Variants in BCKDHA observed in about 807,000 individuals in gnomAD.
BCKDHA encodes 2-oxoisovalerate dehydrogenase subunit alpha, mitochondrial.
BCKDHA carries 43 observed loss-of-function variants against 52.2 expected under a neutral mutation model. That is an observed-to-expected ratio of 0.82 (90% CI 0.64 to 1.06). The LOEUF is 1.06. BCKDHA is among the 50% of genes least tolerant of loss of function. The pLI, the probability that BCKDHA is intolerant of heterozygous loss-of-function variation, is 0.00. For synonymous variants in BCKDHA, 234 were observed against 247.9 expected, an observed-to-expected ratio of 0.94 and a Z score of 0.53; for missense variants, 527 against 621.3, an observed-to-expected ratio of 0.85 and a Z score of 1.61.
At position 41,419,294 on chromosome 19, in the gene BCKDHA, A is replaced by G. The variant is rs1246002235; in HGVS notation, c.644A>G (p.Gln215Arg). 1 of 1,612,528 alleles carries G rather than the reference A, an allele frequency of 6.2e-7. No homozygotes were observed. Among genetic ancestry groups the G allele is most frequent in the Non-Finnish European group, 8.5e-7 (1 of 1,179,294 alleles). The change falls in exon 5 of 9, where the codon CAG becomes CGG. Residue 215 changes from glutamine (Q) to arginine (R), a missense_variant and splice_region_variant. Coordinates refer to ENST00000269980, the MANE Select transcript of BCKDHA (RefSeq NM_000709.4). Reference protein sequence around the residue: ...ISSPLATQIPQAVGAAYAAKR... With the variant: ...ISSPLATQIPRAVGAAYAAKR... ...TCTCCACTGGCCACGCAGATCCCTCAGGGTGAGGATGCATGCCCTGTACCT... is the reference window on the plus strand; with the variant it reads ...TCTCCACTGGCCACGCAGATCCCTCGGGGTGAGGATGCATGCCCTGTACCT...
At chr19:41,418,294 G>A (rs1261831366) in intron 4 of BCKDHA, among the ~76,000 whole-genome samples, 1 of 152,102 alleles carries the variant, frequency 6.6e-6, no homozygotes, top group African/African-American at 2.4e-5. Context: ...TGTGAAGGTT[G>A]TCCCACTCTT....
intron 3 of BCKDHA, among the ~76,000 whole-genome samples, chr19:41,413,384 G>A (rs557825779): frequency 6.6e-6 from 1 of 152,248 alleles, no homozygotes; most frequent in South Asian, 2.1e-4. Flanking sequence ...GCACTGGTGT[G>A]GCCAGCTGAC....
At chr19:41,415,946 C>CAT (rs2039304018) in intron 4 of BCKDHA, among the ~76,000 whole-genome samples, 1 of 137,206 alleles carries the variant, frequency 7.3e-6, no homozygotes, top group African/African-American at 2.8e-5. Context: ...CATGCCTGGC[C>CAT]TTTTTTTTTT....
intron 1 of BCKDHA, chr19:41,399,543 T>C (rs920232556): frequency 6.6e-6 from 1 of 151,628 alleles, no homozygotes; most frequent in African/African-American, 2.4e-5. Flanking sequence ...TGGTGGGGAG[T>C]GGGGAGGGAA....
chr19:41,401,163 T>C (rs987090977), intron 1 of BCKDHA, among the ~76,000 whole-genome samples: 8 of 151,814 alleles, frequency 5.3e-5, no homozygotes, highest in Non-Finnish European at 1.2e-4. Flanking sequence ...CACAACCTCC[T>C]CTTCCTGGGT....
chr19:41,410,179 G>A lies in BCKDHA; in HGVS notation c.109-458G>A, dbSNP rs115930134. ...ATAGGGATCAGAAGAGAGCTGGTCT[G>A]TATGCCTAGAGGGCATCCTGCAGTG... On this transcript the variant is annotated intron_variant, in intron 1 of 8. Transcript: ENST00000269980. Among the ~76,000 whole-genome samples, 780 of 152,296 alleles carry A rather than the reference G, an allele frequency of 5.1e-3. 11 individuals carry two copies. The highest frequency in any genetic ancestry group is 0.018 in the African/African-American group (735 of 41,544).
At chr19:41,410,275 C>G (rs2039237172) in intron 1 of BCKDHA, among the ~76,000 whole-genome samples, 1 of 152,010 alleles carries the variant, frequency 6.6e-6, no homozygotes, top group Non-Finnish European at 1.5e-5. Context: ...GGGGAGGCCT[C>G]GAATGCCAGG....
At chr19:41,399,286 G>A (rs1475205907) in intron 1 of BCKDHA, 3 of 152,058 alleles carry the variant, frequency 2.0e-5, no homozygotes, top group Non-Finnish European at 4.4e-5. Context: ...CAGGAGCAAG[G>A]TGTGGGTAGG....
At chr19:41,417,205 G>C (rs918838580) in intron 4 of BCKDHA, among the ~76,000 whole-genome samples, 2 of 151,806 alleles carry the variant, frequency 1.3e-5, no homozygotes, top group African/African-American at 4.8e-5. Context: ...TGGTAGAGAC[G>C]GGGTTTCGCT....
At chr19:41,413,793 C>T (rs899373455) in intron 3 of BCKDHA, among the ~76,000 whole-genome samples, 3 of 152,194 alleles carry the variant, frequency 2.0e-5, no homozygotes, top group African/African-American at 7.2e-5. Context: ...CGCACTGGTC[C>T]TCACCGATGC....
chr19:41,412,339 A>G (rs905004535), intron 3 of BCKDHA, among the ~76,000 whole-genome samples: 1 of 128,346 alleles, frequency 7.8e-6, no homozygotes, highest in African/African-American at 3.0e-5. Context: ...CCCCCTTGCT[A>G]TCCCTTTCTC....
chr19:41,423,637 G>A (rs2039394822), intron 8 of BCKDHA, among the ~76,000 whole-genome samples: 1 of 152,232 alleles, frequency 6.6e-6, no homozygotes, highest in South Asian at 2.1e-4. Context: ...TTTGAGACCA[G>A]CCTGGCCAAC....
At chr19:41,423,621 C>T (rs542012873) in intron 8 of BCKDHA, among the ~76,000 whole-genome samples, 1 of 152,292 alleles carries the variant, frequency 6.6e-6, no homozygotes, top group East Asian at 1.9e-4. Context: ...CACCTGAGGT[C>T]GGGAGTTTGA....
chr19:41,423,257 G>T (rs1053726641), intron 8 of BCKDHA, 88 bp downstream of exon 8: 10 of 1,532,474 alleles, frequency 6.5e-6, no homozygotes, highest in Non-Finnish European at 8.8e-6. Context: ...GAACTGGGAG[G>T]CTCAGGGATA....
Position 41,424,522 on chromosome 19 carries a change from G to T in BCKDHA, c.1252G>T (p.Ala418Ser). 1 of 1,614,052 alleles carries T rather than the reference G, an allele frequency of 6.2e-7. No homozygotes were observed. The highest frequency in any genetic ancestry group is 8.5e-7 in the Non-Finnish European group (1 of 1,179,998). Residue 418 changes from alanine to serine, a missense_variant, in exon 9 of 9, where the codon GCC becomes TCC. Coordinates refer to ENST00000269980, the MANE Select transcript of BCKDHA (RefSeq NM_000709.4). ...LFSDVYQEMP[A>S]QLRKQQESLA... The stretch of plus-strand genomic sequence containing the variant: ...CTCAGACGTGTATCAGGAGATGCCC[G>T]CCCAGCTCCGCAAGCAGCAGGAGTC...
chr19:41,422,978 G>A lies in BCKDHA; in HGVS notation c.996-20G>A, dbSNP rs901457066. ...CTCCAGGGAGCCCACACTGACCTGG[G>A]GCCCCTTGCCCCTGTGCAGGATCGG... On this transcript the variant is annotated intron_variant, in intron 7 of 8. Transcript: ENST00000269980. 10 of 1,605,556 alleles carry A rather than the reference G, an allele frequency of 6.2e-6. No individual in the cohort carries two copies. The South Asian group carries it at 1.1e-4, about 18-fold the overall frequency.
chr19:41,418,973 T>G (rs1469350790), intron 4 of BCKDHA, 162 bp from the exon 5 acceptor site: 2 of 759,256 alleles, frequency 2.6e-6, no homozygotes, highest in African/African-American at 3.5e-5. Flanking sequence ...AAAAATCAGA[T>G]TGGCCTTGCT....
chr19:41,421,418 G>A (rs186039257), intron 5 of BCKDHA, among the ~76,000 whole-genome samples: 182 of 151,594 alleles, frequency 1.2e-3, no homozygotes, highest in African/African-American at 3.8e-3. Context: ...GCTGGGGTCC[G>A]TCACTGGAGT....
intron 3 of BCKDHA, among the ~76,000 whole-genome samples, chr19:41,411,457 C>T (rs1280625325): frequency 6.6e-6 from 1 of 152,078 alleles, no homozygotes; most frequent in East Asian, 1.9e-4. Flanking sequence ...AAGTTATTGA[C>T]TCCAATGACC....
Sources: gnomAD v4.1 joint callset for allele counts (sites outside exome capture counted in the v4.1 genomes callset) on GRCh38, gnomAD v4.1.1 for gene constraint, MANE v1.5 for transcripts, NCBI Gene and HGNC (gene_info 2026-07-23, HGNC 2026-07-21) for gene names.